The following STX8 variants were observed in gnomAD, a reference collection of about 807,000 sequenced individuals.
STX8 encodes the protein syntaxin 8.
Under a neutral mutation model 37.5 loss-of-function variants are expected in STX8, and 23 were observed. The observed-to-expected ratio is 0.61, with a 90% confidence interval of 0.44 to 0.87. The LOEUF is 0.87. Among genes scored for constraint, STX8 ranks in the 40% least tolerant of loss-of-function variants. STX8 has a pLI of 0.00. For synonymous variants in STX8, 115 were observed against 99.1 expected (o/e 1.16, Z -0.95); for missense variants, 313 against 284.7 (o/e 1.10, Z -0.71).
rs1465120024 is a variant in STX8 at position 9,505,103 on chromosome 17, T to C, written c.383A>G (p.Glu128Gly). The C allele has an allele frequency of 3.1e-6, 5 of 1,613,762 alleles. No homozygotes were observed. Among genetic ancestry groups the C allele is most frequent in the Non-Finnish European group, 4.2e-6 (5 of 1,179,946 alleles). ...RGAPNPWLFEEPEETRGLGFD... is the reference protein window; with the variant it reads ...RGAPNPWLFEGPEETRGLGFD... ...ACCCAAGCCTCTGGTCTCCTCTGGC[T>C]CCTCAAAGAGCCAAGGGTTGGGTGC... Residue 128 changes from glutamate to glycine, a missense_variant, in exon 5 of 8, where the codon GAG becomes GGG. By Grantham distance (98) the Glu-to-Gly change is moderately conservative. Coordinates refer to ENST00000306357, the MANE Select transcript of STX8 (RefSeq NM_004853.3).
At chr17:9,358,337 G>C (rs1910949709) in intron 7 of STX8, among the ~76,000 whole-genome samples, 1 of 151,998 alleles carries the variant, frequency 6.6e-6, no homozygotes, top group South Asian at 2.1e-4. Context: ...CTGGGCAACT[G>C]AGCGAGACCC....
At chr17:9,352,376 G>A (rs1023661054) in intron 7 of STX8, among the ~76,000 whole-genome samples, 1 of 151,314 alleles carries the variant, frequency 6.6e-6, no homozygotes, top group African/African-American at 2.4e-5. Context: ...AACAATTACT[G>A]GTGGTTGCAA....
At chr17:9,258,612 C>T (rs1427795223) in intron 7 of STX8, among the ~76,000 whole-genome samples, 1 of 152,244 alleles carries the variant, frequency 6.6e-6, no homozygotes, top group African/African-American at 2.4e-5. Flanking sequence ...ATCTATCTTA[C>T]CCCACAGTTC....
intron 7 of STX8, among the ~76,000 whole-genome samples, chr17:9,334,920 T>C (rs568598663): frequency 6.6e-6 from 1 of 152,346 alleles, no homozygotes; most frequent in East Asian, 1.9e-4. Context: ...TGTTCTCCAT[T>C]TTAAAGTTTA....
At chr17:9,545,051 AC>A (rs1906446535) in intron 4 of STX8, 120 bp downstream of exon 4, 2 of 645,418 alleles carry the variant, frequency 3.1e-6, no homozygotes, top group African/African-American at 3.7e-5. Context: ...ATAGTCAAAC[AC>A]CATAAATGAA....
chr17:9,562,181 A>C (rs1308186454), intron 2 of STX8, among the ~76,000 whole-genome samples: 2 of 151,940 alleles, frequency 1.3e-5, no homozygotes, highest in Non-Finnish European at 1.5e-5. Context: ...AGGCAGGCGG[A>C]TCACAAGGTC....
intron 6 of STX8, among the ~76,000 whole-genome samples, chr17:9,407,228 A>G (rs547286588): frequency 2.0e-5 from 3 of 152,156 alleles, no homozygotes; most frequent in African/African-American, 7.2e-5. Context: ...GGGTCTTGCT[A>G]TGTTGCCCAA....
intron 6 of STX8, among the ~76,000 whole-genome samples, chr17:9,450,563 T>C (rs1273571336): frequency 6.6e-6 from 1 of 151,970 alleles, no homozygotes; most frequent in African/African-American, 2.4e-5. Flanking sequence ...GCCTCCCTAG[T>C]AGCTGCGAAG....
chr17:9,431,136 G>A (rs1913952137), intron 6 of STX8, among the ~76,000 whole-genome samples: 1 of 151,734 alleles, frequency 6.6e-6, no homozygotes, highest in Non-Finnish European at 1.5e-5. Context: ...GATTACAGGT[G>A]TAAGCCACTG....
intron 6 of STX8, among the ~76,000 whole-genome samples, chr17:9,466,540 G>C (rs1905621392): frequency 6.6e-6 from 1 of 152,184 alleles, no homozygotes; most frequent in Non-Finnish European, 1.5e-5. Context: ...AAGCACTGGA[G>C]AGACATTTGC....
intron 7 of STX8, among the ~76,000 whole-genome samples, chr17:9,361,098 T>G (rs1911046872): frequency 6.6e-6 from 1 of 152,100 alleles, no homozygotes; most frequent in African/African-American, 2.4e-5. Context: ...CTGAAAATTG[T>G]CATTGCCTGG....
At chr17:9,358,294 C>T (rs1910948286) in intron 7 of STX8, among the ~76,000 whole-genome samples, 1 of 152,166 alleles carries the variant, frequency 6.6e-6, no homozygotes. Context: ...GATAGCTTAG[C>T]ACAGAGGTAT....
intron 4 of STX8, among the ~76,000 whole-genome samples, chr17:9,530,922 CT>C (rs1905791210): frequency 6.6e-6 from 1 of 152,084 alleles, no homozygotes; most frequent in South Asian, 2.1e-4. Flanking sequence ...CTCCTGTTTT[CT>C]TCTAAAAGCT....
intron 4 of STX8, among the ~76,000 whole-genome samples, chr17:9,506,407 T>TCCCTCCCC (rs1904829849): frequency 2.5e-5 from 1 of 39,332 alleles, no homozygotes; most frequent in Non-Finnish European, 4.9e-5. Flanking sequence ...GCTCACCCGC[T>TCCCTCCCC]CCCCCCCCCC....
chr17:9,566,970 C>T (rs987407205), intron 2 of STX8, among the ~76,000 whole-genome samples: 1 of 152,146 alleles, frequency 6.6e-6, no homozygotes, highest in Admixed American at 6.5e-5. Flanking sequence ...ATGTCCTTTG[C>T]AGGAACATGA....
At chr17:9,512,362 A>C (rs1905042146) in intron 4 of STX8, among the ~76,000 whole-genome samples, 1 of 152,238 alleles carries the variant, frequency 6.6e-6, no homozygotes, top group South Asian at 2.1e-4. Flanking sequence ...GTAGTAATGT[A>C]CTACAATGCT....
intron 6 of STX8, among the ~76,000 whole-genome samples, chr17:9,433,440 C>T (rs994580667): frequency 3.3e-5 from 5 of 152,176 alleles, no homozygotes; most frequent in African/African-American, 4.8e-5. Context: ...TCAATCTCTT[C>T]GGCCCACAAT....
Position 9,564,310 on chromosome 17 carries a change from G to T in STX8, c.117+4061C>A, listed in dbSNP as rs571799576. Among the ~76,000 whole-genome samples the T allele has an allele frequency of 3.3e-5, 5 of 150,922 alleles. No individual in the cohort carries two copies. In the South Asian group the frequency reaches 1.1e-3, roughly 32 times the overall value. On this transcript the variant is annotated intron_variant, in intron 2 of 7. Coordinates refer to ENST00000306357, the MANE Select transcript of STX8 (RefSeq NM_004853.3). ...GTGAGAAAGGAAAGGAAAAAGGAAA[G>T]GGAAGGGAGAGAAAGAGAGAAAGGA...
At chr17:9,541,978 T>G (rs1393423606) in intron 4 of STX8, among the ~76,000 whole-genome samples, 2 of 151,316 alleles carry the variant, frequency 1.3e-5, no homozygotes, top group African/African-American at 4.9e-5. Flanking sequence ...AATCAGACTC[T>G]GCAAGTACAT....
Sources: gnomAD v4.1 joint callset for allele counts (sites outside exome capture counted in the v4.1 genomes callset) on GRCh38, gnomAD v4.1.1 for gene constraint, MANE v1.5 for transcripts, NCBI Gene and HGNC (gene_info 2026-07-23, HGNC 2026-07-21) for gene names.